SPATA7: variants seen among roughly 807,000 people sequenced by gnomAD.
SPATA7 encodes the protein spermatogenesis associated 7, also known as spermatogenesis-associated protein 7.
Under a neutral mutation model 51.8 loss-of-function variants are expected in SPATA7, and 43 were observed. The ratio of observed to expected loss-of-function variants is 0.83; its 90% CI spans 0.65 to 1.07. The LOEUF is 1.07. SPATA7 is among the 50% of genes least tolerant of loss of function. SPATA7 has a pLI of 0.00. For synonymous variants in SPATA7, 230 were observed against 252.8 expected (o/e 0.91, Z 0.86); for missense variants, 683 against 701.3 (o/e 0.97, Z 0.30).
chr14:88,458,456 A>G (rs941687745), downstream of SPATA7, among the ~76,000 whole-genome samples: 10 of 151,978 alleles, frequency 6.6e-5, no homozygotes, highest in East Asian at 1.9e-4. Context: ...GTCTTGGGAG[A>G]GTGTATGTGT....
At chr14:88,452,910 CAT>C (rs2077261689) in intron 3 of SPATA7, among the ~76,000 whole-genome samples, 1 of 152,136 alleles carries the variant, frequency 6.6e-6, no homozygotes, top group Non-Finnish European at 1.5e-5. Flanking sequence ...GTTCTTCACA[CAT>C]AGAGGTCCTC....
At chr14:88,396,875 CT>C (rs59603961) in intron 4 of SPATA7, among the ~76,000 whole-genome samples, 71 of 138,506 alleles carry the variant, frequency 5.1e-4, no homozygotes, top group Middle Eastern at 3.7e-3. Context: ...TTTCTTTTTT[CT>C]TTTTTTTTTT....
At chr14:88,385,945 C>T in intron 1 of SPATA7, 108 bp downstream of exon 1, 2 of 1,539,854 alleles carry the variant, frequency 1.3e-6, no homozygotes, top group South Asian at 1.2e-5. Flanking sequence ...TGGGGCGCTT[C>T]CTACCCCTGG....
At chr14:88,395,851 G>GT (rs981642043) in intron 3 of SPATA7, among the ~76,000 whole-genome samples, 32 of 152,038 alleles carry the variant, frequency 2.1e-4, no homozygotes, top group African/African-American at 7.7e-4. Context: ...ATCAGGTAGT[G>GT]TAAGTCTTCC....
chr14:88,390,406 C>G (rs529827128), intron 1 of SPATA7, among the ~76,000 whole-genome samples: 1 of 152,172 alleles, frequency 6.6e-6, no homozygotes, highest in Non-Finnish European at 1.5e-5. Context: ...CAGACAGGTT[C>G]CTTTATAAGG....
chr14:88,427,700 A>G lies in SPATA7; in HGVS notation c.912+4A>G, dbSNP rs750478760. 6 of 1,600,036 alleles carry G rather than the reference A, an allele frequency of 3.7e-6. No homozygotes were observed. The highest frequency in any genetic ancestry group is 5.1e-6 in the Non-Finnish European group (6 of 1,167,766). ...TTCAGAAATGAACATAAAGCAGGTAATAAGTATGAAATCTTTTGGTATTGC... is the reference window on the plus strand; with the variant it reads ...TTCAGAAATGAACATAAAGCAGGTAGTAAGTATGAAATCTTTTGGTATTGC... On this transcript the variant is annotated splice_donor_region_variant and intron_variant, in intron 7 of 11. Coordinates refer to ENST00000393545, the MANE Select transcript of SPATA7 (RefSeq NM_018418.5).
chr14:88,453,558 A>G (rs1356342957), intron 3 of SPATA7, among the ~76,000 whole-genome samples: 1 of 152,190 alleles, frequency 6.6e-6, no homozygotes, highest in Non-Finnish European at 1.5e-5. Context: ...TTGATTTCTC[A>G]GACCTCACGG....
intron 4 of SPATA7, among the ~76,000 whole-genome samples, chr14:88,403,538 C>T (rs1459338641): frequency 6.6e-6 from 1 of 152,126 alleles, no homozygotes; most frequent in Admixed American, 6.5e-5. Flanking sequence ...AAAACCCACA[C>T]CACATAGCCT....
intron 4 of SPATA7, among the ~76,000 whole-genome samples, chr14:88,398,149 C>T (rs910168387): frequency 1.3e-5 from 2 of 151,800 alleles, no homozygotes; most frequent in African/African-American, 2.4e-5. Flanking sequence ...CTTTGATTGT[C>T]GTATTAATCA....
At chr14:88,464,606 T>C (rs533576805) in intron 4 of SPATA7, among the ~76,000 whole-genome samples, 25 of 152,260 alleles carry the variant, frequency 1.6e-4, no homozygotes, top group African/African-American at 6.0e-4. Context: ...GGCGCACATC[T>C]GTAATCCCAG....
intron 4 of SPATA7, among the ~76,000 whole-genome samples, chr14:88,463,767 A>G (rs1595324586): frequency 6.6e-6 from 1 of 152,186 alleles, no homozygotes; most frequent in Admixed American, 6.5e-5. Flanking sequence ...AAGGACTTCA[A>G]ATGTTTTCTA....
At chr14:88,463,064 T>A (rs1292308287) in intron 4 of SPATA7, among the ~76,000 whole-genome samples, 1 of 152,198 alleles carries the variant, frequency 6.6e-6, no homozygotes, top group Non-Finnish European at 1.5e-5. Flanking sequence ...CAGACAGACC[T>A]TAATTTTACT....
chr14:88,437,493 A>G (rs1467458721), intron 10 of SPATA7, 50 bp from the exon 11 acceptor site: 2 of 1,313,964 alleles, frequency 1.5e-6, no homozygotes, highest in African/African-American at 2.9e-5. Context: ...GTTTATATTT[A>G]GATGATTTTC....
downstream of SPATA7, among the ~76,000 whole-genome samples, chr14:88,439,857 C>T (rs2077165557): frequency 6.6e-6 from 1 of 152,176 alleles, no homozygotes; most frequent in Non-Finnish European, 1.5e-5. Context: ...ATCCCCAACT[C>T]ACCCTGCTAC....
downstream of SPATA7, among the ~76,000 whole-genome samples, chr14:88,441,505 T>C (rs1162512032): frequency 6.6e-6 from 1 of 152,142 alleles, no homozygotes; most frequent in Non-Finnish European, 1.5e-5. Flanking sequence ...TCCACACCAA[T>C]ATCTACTATT....
At chr14:88,456,365 C>CCA (rs1452543988), downstream of SPATA7, among the ~76,000 whole-genome samples, 1 of 152,044 alleles carries the variant, frequency 6.6e-6, no homozygotes, top group Non-Finnish European at 1.5e-5. Context: ...TCCTATTTCT[C>CCA]CACATCCTCT....
Position 88,434,610 on chromosome 14 carries a change from C to G in SPATA7, c.1160+1398C>G, listed in dbSNP as rs559957977. 9.9e-5 allele frequency among the ~76,000 whole-genome samples: 15 copies of G among 150,950 alleles called. No homozygotes were observed. In the South Asian group the frequency reaches 2.9e-3, roughly 30 times the overall value. On this transcript the variant is annotated intron_variant, in intron 10 of 11. Coordinates refer to ENST00000393545, the MANE Select transcript of SPATA7 (RefSeq NM_018418.5). ...TGAGGCAGGAGAATCGCTTGAACCC[C>G]GCAAGGCGGAGGTTGCAGTGAGCTG...
At chr14:88,461,616 C>T (rs1166780947) in intron 4 of SPATA7, among the ~76,000 whole-genome samples, 1 of 152,118 alleles carries the variant, frequency 6.6e-6, no homozygotes, top group Non-Finnish European at 1.5e-5. Context: ...TTACCACTTC[C>T]CTTGGCTAGG....
chr14:88,425,434 CTCTACCTAATGAAAG>C (rs1459099433), intron 5 of SPATA7, among the ~76,000 whole-genome samples: 2 of 152,252 alleles, frequency 1.3e-5, no homozygotes, highest in African/African-American at 2.4e-5. Context: ...GTAATTTCCC[CTCTACCTAATGAAAG>C]TGCCTCAGAG....
Sources: gnomAD v4.1 joint callset for allele counts (sites outside exome capture counted in the v4.1 genomes callset) on GRCh38, gnomAD v4.1.1 for gene constraint, MANE v1.5 for transcripts, NCBI Gene and HGNC (gene_info 2026-07-23, HGNC 2026-07-21) for gene names.